Variants in PCSK5 observed in about 807,000 individuals in gnomAD.
PCSK5 encodes the protein proprotein convertase subtilisin/kexin type 5.
In PCSK5, 129 loss-of-function variants were observed where a neutral mutation model predicts 233.2. That is an observed-to-expected ratio of 0.55 (90% CI 0.48 to 0.64). PCSK5 has a LOEUF of 0.64. PCSK5 is among the 30% of genes least tolerant of loss of function. The probability of loss-of-function intolerance (pLI) is 0.00; values close to 1 mark genes in which losing one functional copy is unlikely to be tolerated. For missense variants in PCSK5, 2,076 were observed against 2,430.1 expected (o/e 0.85, Z 3.06); for synonymous variants, 825 against 879.2 (o/e 0.94, Z 1.09).
At chr9:76,235,530 A>C (rs903134867) in intron 22 of PCSK5, among the ~76,000 whole-genome samples, 2 of 152,150 alleles carry the variant, frequency 1.3e-5, no homozygotes, top group African/African-American at 4.8e-5. Context: ...TTAAACATTT[A>C]TTGCATCCCT....
At chr9:76,110,192 G>T (rs1353556940) in intron 9 of PCSK5, among the ~76,000 whole-genome samples, 1 of 152,154 alleles carries the variant, frequency 6.6e-6, no homozygotes, top group Non-Finnish European at 1.5e-5. Flanking sequence ...GCAGAGTTAT[G>T]ACTCAGGACA....
chr9:76,053,515 C>T (rs74796264), intron 5 of PCSK5, among the ~76,000 whole-genome samples: 2,235 of 152,268 alleles, frequency 0.015, 34 homozygotes, highest in Middle Eastern at 0.044. Flanking sequence ...AATGCTTTGT[C>T]GCTTAGAAAT....
intron 1 of PCSK5, among the ~76,000 whole-genome samples, chr9:75,912,985 A>G (rs75318312): frequency 0.018 from 2,741 of 152,186 alleles, 39 homozygotes; most frequent in South Asian, 0.035. Context: ...TTCTTACTTA[A>G]CCTTTTCTTT....
chr9:75,932,827 A>T (rs1823871076), intron 2 of PCSK5, among the ~76,000 whole-genome samples: 1 of 152,116 alleles, frequency 6.6e-6, no homozygotes, highest in Non-Finnish European at 1.5e-5. Flanking sequence ...TTGCATACAG[A>T]TCTGAGGTTG....
chr9:76,242,737 TCTTCTC>T (rs1826468654), intron 24 of PCSK5, among the ~76,000 whole-genome samples: 1 of 152,208 alleles, frequency 6.6e-6, no homozygotes, highest in Admixed American at 6.5e-5. Flanking sequence ...ATTTCTGTGG[TCTTCTC>T]TGGCATCTTT....
At chr9:76,303,579 C>T (rs1828683868) in intron 28 of PCSK5, among the ~76,000 whole-genome samples, 1 of 152,184 alleles carries the variant, frequency 6.6e-6, no homozygotes, top group African/African-American at 2.4e-5. Flanking sequence ...ACGGTGTTCA[C>T]TGTCTGATTA....
chr9:75,912,765 T>G (rs1587353150), intron 1 of PCSK5, among the ~76,000 whole-genome samples: 1 of 152,194 alleles, frequency 6.6e-6, no homozygotes, highest in African/African-American at 2.4e-5. Flanking sequence ...TAGTCTGTAG[T>G]GTGGAGAACA....
chr9:76,032,921 A>C (rs1828709045), intron 5 of PCSK5, among the ~76,000 whole-genome samples: 1 of 152,194 alleles, frequency 6.6e-6, no homozygotes, highest in Non-Finnish European at 1.5e-5. Flanking sequence ...CCCAGAGTCT[A>C]ATTCCTTTTC....
At chr9:76,081,843 T>G (rs1185521654) in intron 7 of PCSK5, among the ~76,000 whole-genome samples, 1 of 152,170 alleles carries the variant, frequency 6.6e-6, no homozygotes, top group Non-Finnish European at 1.5e-5. Flanking sequence ...CTAGTAAGTC[T>G]TGCATGTACT....
intron 2 of PCSK5, among the ~76,000 whole-genome samples, chr9:75,985,198 G>A (rs1467432714): frequency 3.9e-5 from 6 of 152,174 alleles, no homozygotes; most frequent in South Asian, 2.1e-4. Flanking sequence ...ACTGGAACAT[G>A]CTTATTTTTG....
chr9:76,345,182 A>ATTATTTTATTTTATTTTATT (rs59974258), intron 35 of PCSK5, among the ~76,000 whole-genome samples: 68 of 150,900 alleles, frequency 4.5e-4, no homozygotes, highest in African/African-American at 1.5e-3. Context: ...ATTTTATTTT[A>ATTATTTTATTTTATTTTATT]TTATTTTATT....
At chr9:76,239,891 G>C (rs1462920859) in intron 23 of PCSK5, among the ~76,000 whole-genome samples, 3 of 152,084 alleles carry the variant, frequency 2.0e-5, no homozygotes, top group Non-Finnish European at 4.4e-5. Context: ...CCATGCCTTG[G>C]TGTCTTCATC....
intron 24 of PCSK5, among the ~76,000 whole-genome samples, chr9:76,251,416 T>G (rs1189473421): frequency 2.0e-5 from 3 of 151,660 alleles, no homozygotes; most frequent in African/African-American, 7.3e-5. Flanking sequence ...ACAAAAAAAT[T>G]AGCTGGGCGT....
chr9:76,194,906 A>C (rs7019429), intron 20 of PCSK5: 2 of 250,996 alleles, frequency 8.0e-6, no homozygotes, highest in African/African-American at 2.3e-5. Flanking sequence ...GAGGAATACT[A>C]TCAACATGGA....
intron 35 of PCSK5, among the ~76,000 whole-genome samples, chr9:76,340,753 C>A (rs911691304): frequency 2.6e-5 from 4 of 151,118 alleles, no homozygotes; most frequent in African/African-American, 7.3e-5. Context: ...TCCTTTGTAT[C>A]CTACCTACTC....
intron 6 of PCSK5, among the ~76,000 whole-genome samples, 186 bp from the exon 7 acceptor site, chr9:76,071,540 A>G (rs1830480972): frequency 2.0e-5 from 3 of 152,332 alleles, no homozygotes; most frequent in East Asian, 3.9e-4. Context: ...TTTATATACA[A>G]TATGACATCC....
intron 20 of PCSK5, among the ~76,000 whole-genome samples, chr9:76,207,632 T>G (rs1003317603): frequency 6.6e-6 from 1 of 152,196 alleles, no homozygotes. Context: ...GGGATCTAAA[T>G]GAGGGAGCAA....
chr9:76,246,060 G>A (rs1016634043), intron 24 of PCSK5, among the ~76,000 whole-genome samples: 1 of 152,052 alleles, frequency 6.6e-6, no homozygotes, highest in African/African-American at 2.4e-5. Context: ...GAGGCCTGGC[G>A]CAGTGGCTCA....
At chr9:76,270,605 T>C (rs1587822195) in intron 24 of PCSK5, among the ~76,000 whole-genome samples, 1 of 152,140 alleles carries the variant, frequency 6.6e-6, no homozygotes, top group Non-Finnish European at 1.5e-5. Context: ...GATGGAGAAC[T>C]CTTAGTTGAA....
Sources: allele counts gnomAD v4.1 joint callset (sites outside exome capture counted in the v4.1 genomes callset), GRCh38; gene constraint gnomAD v4.1.1; transcripts MANE v1.5; gene names NCBI Gene and HGNC (gene_info 2026-07-23, HGNC 2026-07-21).